The following SPICE1 variants were observed in gnomAD, a reference collection of about 807,000 sequenced individuals.
SPICE1 encodes spindle and centriole associated protein 1.
In SPICE1, 75 loss-of-function variants were observed where a neutral mutation model predicts 102.7. The ratio of observed to expected loss-of-function variants is 0.73; its 90% CI spans 0.61 to 0.88. SPICE1 has a LOEUF of 0.88. SPICE1 is among the 40% of genes least tolerant of loss of function. The probability of loss-of-function intolerance (pLI) is 0.00; values close to 1 mark genes in which losing one functional copy is unlikely to be tolerated. For synonymous variants in SPICE1, 308 were observed against 350.3 expected (o/e 0.88, Z 1.35); for missense variants, 979 against 1,020.1 (o/e 0.96, Z 0.55).
intron 9 of SPICE1, 31 bp downstream of exon 9, chr3:113,468,731 A>T (rs2107464172): frequency 6.3e-7 from 1 of 1,599,706 alleles, no homozygotes; most frequent in East Asian, 2.2e-5. Flanking sequence ...TACATGTTTA[A>T]TATTCATCTT....
At chr3:113,468,949 A>C in intron 8 of SPICE1, 50 bp from the exon 9 acceptor site, 1 of 1,581,674 alleles carries the variant, frequency 6.3e-7, no homozygotes, top group South Asian at 1.2e-5. Flanking sequence ...AAACTTCTTA[A>C]GAAAGTATTT....
Position 113,448,084 on chromosome 3 carries a change from A to C in SPICE1, c.2380T>G (p.Ser794Ala). The change falls in exon 16 of 18, where the codon TCA becomes GCA. Residue 794 changes from serine (S) to alanine (A), a missense_variant. By Grantham distance (99) the Ser-to-Ala change is moderately conservative. Coordinates refer to ENST00000295872, the MANE Select transcript of SPICE1 (RefSeq NM_144718.4). ...ACGGGAGAGACAGTACTACATTTTG[A>C]GCTTTCTGGGGCTTCTGCTCCTGGA... ...SIPGAEAPES[S>A]KCSTVSPVSG... The C allele has an allele frequency of 6.2e-7, 1 of 1,612,102 alleles. No homozygotes were observed. The highest frequency in any genetic ancestry group is 8.5e-7 in the Non-Finnish European group (1 of 1,179,072).
intron 7 of SPICE1, among the ~76,000 whole-genome samples, chr3:113,474,967 A>C (rs1188978203): frequency 1.3e-5 from 2 of 152,218 alleles, no homozygotes; most frequent in South Asian, 4.1e-4. Context: ...ACACAAAAAA[A>C]CCCTTCAAAA....
chr3:113,453,917 G>A lies in SPICE1; in HGVS notation c.1691C>T (p.Pro564Leu), dbSNP rs899088377. 2.5e-5 allele frequency: 40 copies of A among 1,613,700 alleles called. No homozygotes were observed. The highest frequency in any genetic ancestry group is 1.6e-4 in the Middle Eastern group (1 of 6,080). The change falls in exon 14 of 18, where the codon CCA becomes CTA. Residue 564 changes from proline to leucine, a missense_variant. Physicochemically the swap from Pro to Leu is moderately conservative, Grantham distance 98. Coordinates refer to ENST00000295872, the MANE Select transcript of SPICE1 (RefSeq NM_144718.4). ...TATTTCCACAGTTGGAGGAAGTCGT[G>A]GAGCAGGACGAGTTTGAACAGTCCT... is the stretch of plus-strand genomic sequence containing the variant. ...LRRTVQTRPA[P>L]RLPPTVEIIE...
intron 12 of SPICE1, chr3:113,459,455 A>C (rs974286925): frequency 3.1e-4 from 297 of 969,910 alleles, no homozygotes; most frequent in Middle Eastern, 1.6e-3. Flanking sequence ...ACAAAACAAA[A>C]CAAAAAAAAA....
intron 9 of SPICE1, among the ~76,000 whole-genome samples, 166 bp from the exon 10 acceptor site, chr3:113,468,570 C>T (rs1000784156): frequency 2.0e-5 from 3 of 152,196 alleles, no homozygotes; most frequent in Admixed American, 1.3e-4. Flanking sequence ...TTTACACTAG[C>T]TATAATGAAT....
At position 113,465,796 on chromosome 3, in the gene SPICE1, T is replaced by A. The variant is rs895966025; in HGVS notation, c.1156-12A>T. 6.2e-7 allele frequency: 1 copy of A among 1,606,982 alleles called. No individual in the cohort carries two copies. Among genetic ancestry groups the A allele is most frequent in the Non-Finnish European group, 8.5e-7 (1 of 1,178,158 alleles). ...AGCTGGATCTCACTCTACAAAAAAA[T>A]ATCAAATAAACTTCCACCAATAGCA... On this transcript the variant is annotated splice_polypyrimidine_tract_variant and intron_variant, in intron 10 of 17. Transcript: ENST00000295872.
At chr3:113,458,898 G>A (rs549469099) in intron 12 of SPICE1, among the ~76,000 whole-genome samples, 3 of 151,836 alleles carry the variant, frequency 2.0e-5, no homozygotes, top group Non-Finnish European at 4.4e-5. Flanking sequence ...CTGCCCGGCC[G>A]CCACCCCGTC....
At chr3:113,484,501 T>C (rs542094504) in intron 7 of SPICE1, among the ~76,000 whole-genome samples, 7 of 152,108 alleles carry the variant, frequency 4.6e-5, no homozygotes, top group African/African-American at 1.7e-4. Flanking sequence ...TCCTGCTTTC[T>C]CTTGTGGGCA....
At chr3:113,449,811 T>G (rs1487517837) in intron 15 of SPICE1, 1 of 154,806 alleles carries the variant, frequency 6.5e-6, no homozygotes, top group Non-Finnish European at 1.4e-5. Flanking sequence ...AAAAAGCAAC[T>G]TGATACATAC....
intron 8 of SPICE1, 34 bp downstream of exon 8, chr3:113,469,065 A>C: frequency 6.3e-7 from 1 of 1,598,756 alleles, no homozygotes; most frequent in South Asian, 1.1e-5. Flanking sequence ...CTAATAAAGC[A>C]GGCACCTAGA....
At chr3:113,508,771 A>G (rs1284088947) in intron 1 of SPICE1, among the ~76,000 whole-genome samples, 1 of 152,232 alleles carries the variant, frequency 6.6e-6, no homozygotes, top group Non-Finnish European at 1.5e-5. Context: ...ATCCAAGAGA[A>G]CTAAAAACAT....
rs772525373 is a variant in SPICE1 at position 113,450,520 on chromosome 3, T to C, written c.2143-4A>G. The C allele has an allele frequency of 3.2e-6, 5 of 1,560,032 alleles. No individual in the cohort carries two copies. The highest frequency in any genetic ancestry group is 2.3e-5 in the East Asian group (1 of 44,026). On this transcript the variant is annotated splice_polypyrimidine_tract_variant and splice_region_variant and intron_variant, in intron 14 of 17. Transcript: ENST00000295872. The stretch of plus-strand genomic sequence containing the variant: ...GAGACTGTGCTACTGGAAAAGTCTT[T>C]GGGAGAAAAAAAAAAAAAGTACAAA...
chr3:113,461,815 T>G (rs1935940195), intron 11 of SPICE1, among the ~76,000 whole-genome samples: 1 of 152,162 alleles, frequency 6.6e-6, no homozygotes, highest in Non-Finnish European at 1.5e-5. Flanking sequence ...GCAGCCAGAC[T>G]CAGAAATATT....
rs147867421 is a variant in SPICE1 at position 113,468,246 on chromosome 3, G to A, written c.1048C>T (p.Arg350Trp). 4.0e-5 allele frequency: 64 copies of A among 1,614,012 alleles called. No individual in the cohort carries two copies. The highest frequency in any genetic ancestry group is 3.1e-4 in the East Asian group (14 of 44,870). ...EVEHEMEEYE[R>W]WTGREVKGLQ... ...CCCTTGACCTCGCGACCTGTCCACC[G>A]CTCATATTCTTCCATTTCATGTTCC... Residue 350 changes from arginine to tryptophan, a missense_variant, in exon 10 of 18, where the codon CGG (arginine) becomes TGG (tryptophan). Arg to Trp is a moderately radical substitution (Grantham distance 101). Transcript: ENST00000295872.
chr3:113,453,780 C>T lies in SPICE1; in HGVS notation c.1828G>A (p.Gly610Arg), dbSNP rs769842442. 5.0e-6 allele frequency: 8 copies of T among 1,614,056 alleles called. No individual in the cohort carries two copies. In the South Asian group the frequency reaches 8.8e-5, roughly 18 times the overall value. Residue 610 changes from glycine to arginine, a missense_variant, in exon 14 of 18, where the codon GGA becomes AGA. Gly to Arg is a moderately radical substitution (Grantham distance 125). Coordinates refer to ENST00000295872, the MANE Select transcript of SPICE1 (RefSeq NM_144718.4). The stretch of plus-strand genomic sequence containing the variant: ...TGAGTTTTGTTCTCCAAATCTTCTC[C>T]CATGTGAGAGACTCTCCATCTCTGA... ...FTQRWRVSHM[G>R]EDLENKTQAP...
chr3:113,485,137 G>A (rs993328559), intron 7 of SPICE1, among the ~76,000 whole-genome samples: 4 of 150,962 alleles, frequency 2.6e-5, no homozygotes, highest in Admixed American at 2.0e-4. Flanking sequence ...CTAGGGGGCC[G>A]TTTGGGCAGA....
chr3:113,458,636 C>T (rs1002107190), intron 12 of SPICE1, among the ~76,000 whole-genome samples: 3 of 152,178 alleles, frequency 2.0e-5, no homozygotes, highest in African/African-American at 4.8e-5. Context: ...GCCGCCACCC[C>T]GTCTAGGAAG....
At chr3:113,458,792 G>A (rs971319508) in intron 12 of SPICE1, among the ~76,000 whole-genome samples, 7 of 150,964 alleles carry the variant, frequency 4.6e-5, no homozygotes, top group East Asian at 2.0e-4. Context: ...GCCGCCCATC[G>A]TCTGGGATGT....
Sources: gnomAD v4.1 joint callset for allele counts (sites outside exome capture counted in the v4.1 genomes callset) on GRCh38, gnomAD v4.1.1 for gene constraint, MANE v1.5 for transcripts, NCBI Gene and HGNC (gene_info 2026-07-23, HGNC 2026-07-21) for gene names.